The following CCDC144A variants were observed in gnomAD, a reference collection of about 807,000 sequenced individuals.
CCDC144A encodes the protein coiled-coil domain containing 144A.
In CCDC144A, 41 loss-of-function variants were observed where a neutral mutation model predicts 143.8. The observed-to-expected ratio is 0.29, with a 90% confidence interval of 0.22 to 0.37. The LOEUF (loss-of-function observed/expected upper bound fraction) is 0.37, where lower values mean the gene tolerates loss of function less well. CCDC144A is among the 10% of genes least tolerant of loss of function. The probability of loss-of-function intolerance (pLI) is 1.00; values close to 1 mark genes in which losing one functional copy is unlikely to be tolerated. For synonymous variants in CCDC144A, 242 were observed against 517.9 expected (o/e 0.47, Z 7.23); for missense variants, 637 against 1,488.8 (o/e 0.43, Z 9.41).
rs1184395622 is a variant in CCDC144A, at chr17:16,776,110, T to A, written c.*2477T>A. 1 of 152,312 alleles carries A rather than the reference T, an allele frequency of 6.6e-6. No individual in the cohort carries two copies. Among genetic ancestry groups the A allele is most frequent in the Non-Finnish European group, 1.5e-5 (1 of 68,092 alleles). The allele number at this position is 152,312 out of a possible 1,614,324, so 9.4% of individuals were successfully genotyped here. A position where few individuals can be genotyped will look rare whatever the true frequency, so the allele number is the denominator to read the frequency against. On this transcript the variant is annotated 3_prime_UTR_variant, in exon 17 of 17. Transcript: ENST00000399273. ...CTATGCTGTTTTGGTTACTGTAGTC[T>A]TGTAGTATGTTTGAAGCTGGGTAGC...
At chr17:16,772,138 T>G (rs1424716406) in intron 16 of CCDC144A, 119 bp downstream of exon 16, 28 of 631,528 alleles carry the variant, frequency 4.4e-5, no homozygotes, top group Non-Finnish European at 7.2e-5. Context: ...TATTCTTTCA[T>G]ATACATCTAA....
At chr17:16,714,873 C>G (rs1372305054) in intron 6 of CCDC144A, among the ~76,000 whole-genome samples, 2 of 152,080 alleles carry the variant, frequency 1.3e-5, no homozygotes, top group African/African-American at 4.8e-5. Flanking sequence ...TTCAGCTACA[C>G]TAAACTTCTT....
the CCDC144A span, among the ~76,000 whole-genome samples, chr17:16,676,851 A>T: frequency 6.6e-6 from 1 of 152,148 alleles, no homozygotes; most frequent in African/African-American, 2.4e-5. Flanking sequence ...AATGTCTTCC[A>T]GATGTACATC....
At position 16,773,615 on chromosome 17, in the gene CCDC144A, A is replaced by G. The variant is rs1915907369; in HGVS notation, c.4260A>G (p.Arg1420=). The G allele has an allele frequency of 2.0e-6, 3 of 1,534,700 alleles. No homozygotes were observed. Among genetic ancestry groups the G allele is most frequent in the Non-Finnish European group, 2.6e-6 (3 of 1,142,106 alleles). Residue 1420 remains arginine (R), a synonymous_variant, in exon 17 of 17, where the codon AGA becomes AGG. Coordinates refer to ENST00000399273, the MANE Select transcript of CCDC144A (RefSeq NM_001382000.1). ...CAAAAGAATATGCACAGATTTTAAG[A>G]AGAAAATACATACTCTGAAAGATAA... ...EVTKEYAQIL[R]RKYIL is the part of the protein sequence containing the mutation.
chr17:16,776,575 T>C lies in CCDC144A; in HGVS notation c.*2942T>C, dbSNP rs1916009026. The stretch of plus-strand genomic sequence containing the variant: ...TTGTATCCTGAGACTTTGTTGAAGT[T>C]GCTTATCAGCTAAGAAGTTTTTGAG... On this transcript the variant is annotated 3_prime_UTR_variant, in exon 17 of 17. Transcript: ENST00000399273. The C allele has an allele frequency of 6.6e-6, 1 of 152,244 alleles. No individual in the cohort carries two copies. Among genetic ancestry groups the C allele is most frequent in the Non-Finnish European group, 1.5e-5 (1 of 68,054 alleles). 9.4% of individuals were successfully genotyped at this position (152,244 alleles called of 1,614,324 possible).
chr17:16,704,912 AAAGT>A (rs1238944218), intron 2 of CCDC144A, among the ~76,000 whole-genome samples: 2 of 152,150 alleles, frequency 1.3e-5, no homozygotes, highest in Non-Finnish European at 2.9e-5. Flanking sequence ...TGAGTGAATA[AAAGT>A]AAGTAATAGT....
upstream of CCDC144A, among the ~76,000 whole-genome samples, chr17:16,686,787 A>C (rs974621242): frequency 4.4e-5 from 6 of 136,508 alleles, no homozygotes; most frequent in African/African-American, 5.6e-5. Flanking sequence ...CACACACACA[A>C]AGAAAAGAAA....
chr17:16,671,481 C>T, the CCDC144A span, among the ~76,000 whole-genome samples: 6 of 152,014 alleles, frequency 3.9e-5, no homozygotes, highest in South Asian at 4.2e-4. Flanking sequence ...CTTAGTAGTA[C>T]TTTCTCTTTA....
chr17:16,686,560 C>T (rs1910788409), upstream of CCDC144A, among the ~76,000 whole-genome samples: 1 of 151,802 alleles, frequency 6.6e-6, no homozygotes, highest in Non-Finnish European at 1.5e-5. Flanking sequence ...AATCCCAGCA[C>T]TTTGGGAGGC....
Position 16,701,897 on chromosome 17 carries a change from G to A in CCDC144A, c.416-3254G>A, listed in dbSNP as rs71240189. 5.3e-3 allele frequency among the ~76,000 whole-genome samples: 678 copies of A among 127,150 alleles called. 1 individual carries two copies. The highest frequency in any genetic ancestry group is 5.6e-3 in the Admixed American group (71 of 12,692). The allele number at this position is 127,150 out of a possible 152,430, so 83.4% of individuals were successfully genotyped here. On this transcript the variant is annotated intron_variant, in intron 2 of 16. Coordinates refer to ENST00000399273, the MANE Select transcript of CCDC144A (RefSeq NM_001382000.1). ...CTAGCGATGGGACGGGATAATCTCA[G>A]GAGCTGGACTTTATAAAACTAGAAT... is the stretch of plus-strand genomic sequence containing the variant.
rs1912227537 is a variant in CCDC144A at position 16,709,078 on chromosome 17, A to G, written c.1021A>G (p.Ile341Val). 3 of 1,611,684 alleles carry G rather than the reference A, an allele frequency of 1.9e-6. No individual in the cohort carries two copies. The highest frequency in any genetic ancestry group is 1.3e-5 in the African/African-American group (1 of 74,960). Residue 341 changes from isoleucine (I) to valine (V), a missense_variant, in exon 5 of 17, where the codon ATA becomes GTA. Transcript: ENST00000399273. ...TATTCCCTTTAATTTGACAAATAACATACCTGGTTGTGAGGAAGAAGATGC... is the reference window on the plus strand; with the variant it reads ...TATTCCCTTTAATTTGACAAATAACGTACCTGGTTGTGAGGAAGAAGATGC... ...KDIPFNLTNN[I>V]PGCEEEDASE...
At chr17:16,717,405 CA>C (rs552218329) in intron 6 of CCDC144A, among the ~76,000 whole-genome samples, 123 of 152,298 alleles carry the variant, frequency 8.1e-4, no homozygotes, top group Non-Finnish European at 1.3e-3. Context: ...CCACCACACC[CA>C]GCTGACTCCA....
intron 12 of CCDC144A, among the ~76,000 whole-genome samples, chr17:16,745,106 A>G (rs947235435): frequency 6.6e-6 from 1 of 151,772 alleles, no homozygotes; most frequent in African/African-American, 2.4e-5. Context: ...GAACTCTGAT[A>G]AATATTCCTA....
intron 12 of CCDC144A, among the ~76,000 whole-genome samples, chr17:16,750,825 T>G (rs1475533927): frequency 6.6e-6 from 1 of 152,142 alleles, no homozygotes; most frequent in Non-Finnish European, 1.5e-5. Flanking sequence ...CCGCTTGGTC[T>G]CATCTGGTTT....
At chr17:16,705,567 C>T (rs1414830067) in intron 3 of CCDC144A, 168 bp downstream of exon 3, 9 of 631,074 alleles carry the variant, frequency 1.4e-5, no homozygotes, top group Admixed American at 1.1e-4. Flanking sequence ...CTTCCTTTAA[C>T]CAAAGCAACA....
At chr17:16,683,575 C>A in the CCDC144A span, 1 of 1,608,228 alleles carries the variant, frequency 6.2e-7, no homozygotes, top group Non-Finnish European at 8.5e-7. Context: ...GAGTGCAAAG[C>A]ACAGGTGGAC....
intron 12 of CCDC144A, chr17:16,746,779 C>T (rs1033385176): frequency 5.2e-5 from 82 of 1,578,704 alleles, no homozygotes; most frequent in African/African-American, 1.5e-4. Flanking sequence ...AGCGCGCGGC[C>T]GTTCCCACCG....
intron 12 of CCDC144A, among the ~76,000 whole-genome samples, chr17:16,755,838 G>C (rs2143340511): frequency 1.3e-5 from 2 of 152,330 alleles, no homozygotes; most frequent in Middle Eastern, 3.4e-3. Flanking sequence ...TAGGATTACA[G>C]GGATGAACCA....
rs1915731024 is a variant in CCDC144A, at chr17:16,769,262, C to T, written c.4099-2715C>T. Among the ~76,000 whole-genome samples the T allele has an allele frequency of 2.6e-5, 4 of 152,172 alleles. No individual in the cohort carries two copies. In the South Asian group the frequency reaches 8.3e-4, roughly 32 times the overall value. On this transcript the variant is annotated intron_variant, in intron 15 of 16. Transcript: ENST00000399273. ...ACTGTGTGCTTTGCCCAAATTCACCCATTAGGTAGATCTGATATCCTCTCA... is the reference window on the plus strand; with the variant it reads ...ACTGTGTGCTTTGCCCAAATTCACCTATTAGGTAGATCTGATATCCTCTCA...
Sources: allele counts gnomAD v4.1 joint callset (sites outside exome capture counted in the v4.1 genomes callset), GRCh38; gene constraint gnomAD v4.1.1; transcripts MANE v1.5; gene names NCBI Gene and HGNC (gene_info 2026-07-23, HGNC 2026-07-21).